Variants in PPEF2 observed in about 807,000 individuals in gnomAD.
PPEF2 encodes protein phosphatase with EF-hand domain 2.
PPEF2 carries 84 observed loss-of-function variants against 84.7 expected under a neutral mutation model. That is an observed-to-expected ratio of 0.99 (90% CI 0.83 to 1.19). PPEF2 has a LOEUF of 1.19. PPEF2 is among the 50% of genes most tolerant of loss of function. PPEF2 has a pLI of 0.00. For synonymous variants in PPEF2, 346 were observed against 345.2 expected (o/e 1.00, Z -0.03); for missense variants, 924 against 937.5 (o/e 0.99, Z 0.19).
intron 11 of PPEF2, among the ~76,000 whole-genome samples, chr4:75,875,053 C>T (rs1204210446): frequency 6.6e-6 from 1 of 152,080 alleles, no homozygotes; most frequent in Non-Finnish European, 1.5e-5. Context: ...AGGCACCCAC[C>T]ACCATGCCTG....
chr4:75,898,351 T>C (rs1039506464), intron 1 of PPEF2, among the ~76,000 whole-genome samples: 1 of 152,228 alleles, frequency 6.6e-6, no homozygotes, highest in Non-Finnish European at 1.5e-5. Context: ...CTTCTCTCCT[T>C]TCTTCAAACT....
chr4:75,870,234 A>G (rs1724234767), intron 13 of PPEF2, among the ~76,000 whole-genome samples: 1 of 152,164 alleles, frequency 6.6e-6, no homozygotes, highest in Admixed American at 6.5e-5. Context: ...TCCAGGTACC[A>G]GGGCTCACCC....
chr4:75,867,545 A>G, intron 13 of PPEF2, 126 bp from the exon 14 acceptor site: 1 of 645,062 alleles, frequency 1.6e-6, no homozygotes, highest in Admixed American at 2.8e-5. Context: ...TTTTCGAGGG[A>G]GAGCGCCTTT....
rs1053928550 is a variant in PPEF2 at position 75,873,229 on chromosome 4, C to T, written c.1404G>A (p.Gly468=). The T allele has an allele frequency of 2.5e-6, 4 of 1,614,030 alleles. No individual in the cohort carries two copies. The South Asian group carries it at 3.3e-5, about 13-fold the overall frequency. The change falls in exon 12 of 17, where the codon GGG becomes GGA. Residue 468 remains glycine (G), a synonymous_variant. Coordinates refer to ENST00000286719, the MANE Select transcript of PPEF2 (RefSeq NM_006239.3). Reference sequence around the variant, plus strand: ...GTAGCAACTGTTGTGTCACATCAGGCCCAAAATAACAGCCTCCTCCTCGAA... The same window carrying T: ...GTAGCAACTGTTGTGTCACATCAGGTCCAAAATAACAGCCTCCTCCTCGAA... ...NTIRGGGCYF[G]PDVTQQLLQK...
rs1465177450 is a variant in PPEF2, at chr4:75,902,405, C to T, written c.-234G>A. ...GTGCAGCCCTAGTCTGCCATGTCTT[C>T]TTCCTGAAAAGCAATGGTGACATTC... On this transcript the variant is annotated 5_prime_UTR_variant, in exon 1 of 17. Transcript: ENST00000286719. 6.6e-6 allele frequency: 1 copy of T among 152,278 alleles called. No individual in the cohort carries two copies. The highest frequency in any genetic ancestry group is 6.5e-5 in the Admixed American group (1 of 15,286). The allele number at this position is 152,278 out of a possible 1,614,324, so 9.4% of individuals were successfully genotyped here.
At chr4:75,861,560 A>G (rs1041423085) in intron 16 of PPEF2, among the ~76,000 whole-genome samples, 6 of 146,182 alleles carry the variant, frequency 4.1e-5, no homozygotes, top group Admixed American at 7.4e-5. Flanking sequence ...AAAACTCTAA[A>G]ACTCTTAGAA....
At chr4:75,868,649 T>G (rs1476584039) in intron 13 of PPEF2, among the ~76,000 whole-genome samples, 1 of 151,716 alleles carries the variant, frequency 6.6e-6, no homozygotes, top group Admixed American at 6.6e-5. Context: ...TGAGCCAAGA[T>G]CATGCCACTG....
At chr4:75,882,751 C>G (rs1724608997) in intron 10 of PPEF2, 175 bp downstream of exon 10, 1 of 613,950 alleles carries the variant, frequency 1.6e-6, no homozygotes. Flanking sequence ...TTCCTGTCTT[C>G]TAAAGTGCTG....
chr4:75,866,788 A>G (rs1379490648), intron 14 of PPEF2, among the ~76,000 whole-genome samples: 1 of 152,250 alleles, frequency 6.6e-6, no homozygotes, highest in Non-Finnish European at 1.5e-5. Context: ...CTTAGAATAT[A>G]TCCACTGAAA....
chr4:75,866,407 C>T, intron 14 of PPEF2, 55 bp from the exon 15 acceptor site: 1 of 1,586,550 alleles, frequency 6.3e-7, no homozygotes, highest in Non-Finnish European at 8.6e-7. Flanking sequence ...GTTTCCTGCC[C>T]AATGGTGTGT....
intron 12 of PPEF2, among the ~76,000 whole-genome samples, chr4:75,872,640 CT>C (rs1724309792): frequency 6.6e-6 from 1 of 152,202 alleles, no homozygotes; most frequent in African/African-American, 2.4e-5. Flanking sequence ...TACTGTATCT[CT>C]TCCTGAGGAT....
intron 13 of PPEF2, among the ~76,000 whole-genome samples, chr4:75,870,980 G>A (rs1267770171): frequency 1.4e-5 from 1 of 71,494 alleles, no homozygotes; most frequent in Admixed American, 1.9e-4. Context: ...GCAGTGGTGC[G>A]ATCTCGGGTC....
At chr4:75,871,899 G>T in intron 13 of PPEF2, 126 bp downstream of exon 13, 2 of 1,033,398 alleles carry the variant, frequency 1.9e-6, no homozygotes, top group Non-Finnish European at 2.8e-6. Flanking sequence ...AGAACTTCAT[G>T]CTGACATAGC....
chr4:75,861,621 T>G (rs1450668853), intron 16 of PPEF2, among the ~76,000 whole-genome samples: 1 of 119,138 alleles, frequency 8.4e-6, no homozygotes, highest in East Asian at 5.7e-4. Flanking sequence ...ACAGTTTTTT[T>G]TTTTTTGAGA....
intron 10 of PPEF2, among the ~76,000 whole-genome samples, chr4:75,879,037 G>A (rs145529833): frequency 1.3e-4 from 20 of 152,208 alleles, no homozygotes; most frequent in Non-Finnish European, 2.2e-4. Context: ...TCCTCTCCTG[G>A]TAAGAAGTCC....
At chr4:75,892,053 G>T in intron 2 of PPEF2, 75 bp from the exon 3 acceptor site, 1 of 1,566,288 alleles carries the variant, frequency 6.4e-7, no homozygotes, top group Admixed American at 1.7e-5. Context: ...GGGAGAGGAA[G>T]CTGCTCAGCC....
chr4:75,886,281 AGTC>A (rs1724721011), intron 7 of PPEF2, among the ~76,000 whole-genome samples: 1 of 152,166 alleles, frequency 6.6e-6, no homozygotes, highest in African/African-American at 2.4e-5. Flanking sequence ...TGGGATAGCC[AGTC>A]TCCTGCCATC....
intron 4 of PPEF2, among the ~76,000 whole-genome samples, chr4:75,891,189 AAAAG>A (rs1308884610): frequency 2.0e-4 from 28 of 141,936 alleles, no homozygotes; most frequent in African/African-American, 4.8e-4. Flanking sequence ...TCAAAAAAAA[AAAAG>A]AAAAGAAAAG....
rs550316900 is a variant in PPEF2, at chr4:75,884,838, G to A, written c.580-78C>T. The A allele has an allele frequency of 4.1e-5, 51 of 1,238,222 alleles. No individual in the cohort carries two copies. In the East Asian group the frequency reaches 1.2e-3, roughly 29 times the overall value. The allele number at this position is 1,238,222 out of a possible 1,614,324, so 76.7% of individuals were successfully genotyped here. On this transcript the variant is annotated intron_variant, in intron 7 of 16. Transcript: ENST00000286719. ...ATCAGGTTAAAACCAATAGGCATTT[G>A]ACAATCACATCATGTCTAACACCAA...
Sources: allele counts gnomAD v4.1 joint callset (sites outside exome capture counted in the v4.1 genomes callset), GRCh38; gene constraint gnomAD v4.1.1; transcripts MANE v1.5; gene names NCBI Gene and HGNC (gene_info 2026-07-23, HGNC 2026-07-21).